Variants in PAK1 observed in about 807,000 individuals in gnomAD.
The protein encoded by PAK1 is serine/threonine-protein kinase PAK 1.
A neutral mutation model predicts 67.4 loss-of-function variants in PAK1; 29 were observed. The observed-to-expected ratio is 0.43, with a 90% CI of 0.32 to 0.59. The LOEUF is 0.59. Among genes scored for constraint, PAK1 ranks in the 20% least tolerant of loss-of-function variants. PAK1 has a pLI of 0.07. For synonymous variants in PAK1, 223 were observed against 237.4 expected, an observed-to-expected ratio of 0.94 and a Z score of 0.56; for missense variants, 337 against 670.7, an observed-to-expected ratio of 0.50 and a Z score of 5.50.
chr11:77,484,455 C>T, the PAK1 span, among the ~76,000 whole-genome samples: 4 of 152,138 alleles, frequency 2.6e-5, no homozygotes, highest in African/African-American at 7.2e-5. Flanking sequence ...TTTTAGTGTA[C>T]CCTCTACTAC....
At chr11:77,475,292 CT>C (rs1353993074), upstream of PAK1, 1 of 152,192 alleles carries the variant, frequency 6.6e-6, no homozygotes, top group Admixed American at 6.5e-5. Context: ...TTTTCAAGTC[CT>C]TGCCTGTGTC....
intron 8 of PAK1, among the ~76,000 whole-genome samples, chr11:77,350,787 C>A (rs1022322015): frequency 2.0e-5 from 3 of 152,112 alleles, no homozygotes; most frequent in Non-Finnish European, 4.4e-5. Flanking sequence ...CTATAACATA[C>A]TGGCTATAAA....
At chr11:77,470,255 T>A (rs1957788000) in intron 1 of PAK1, among the ~76,000 whole-genome samples, 1 of 152,218 alleles carries the variant, frequency 6.6e-6, no homozygotes, top group East Asian at 1.9e-4. Flanking sequence ...TTTTTAAAAG[T>A]CTGCCTGTCA....
chr11:77,467,044 T>C lies in PAK1; in HGVS notation c.-22+6508A>G, dbSNP rs11822299. Among the ~76,000 whole-genome samples, 600 of 152,300 alleles carry C rather than the reference T, an allele frequency of 3.9e-3. 4 individuals are homozygous for C. The highest frequency in any genetic ancestry group is 0.014 in the African/African-American group (568 of 41,572). On this transcript the variant is annotated intron_variant, in intron 1 of 14. Coordinates refer to ENST00000356341, the MANE Select transcript of PAK1 (RefSeq NM_002576.5). Reference sequence around the variant, plus strand: ...TCTCTGCTCTCACGCCTCCCCACTTTACACCCTATCTTCTAAGCATACTAA... The same window carrying C: ...TCTCTGCTCTCACGCCTCCCCACTTCACACCCTATCTTCTAAGCATACTAA...
intron 1 of PAK1, among the ~76,000 whole-genome samples, chr11:77,416,949 T>C (rs1049780008): frequency 6.7e-6 from 1 of 149,726 alleles, no homozygotes; most frequent in African/African-American, 2.5e-5. Flanking sequence ...CAAGACTCTG[T>C]CTCAAAAAAA....
At chr11:77,324,611 C>G (rs1939256191) in intron 14 of PAK1, among the ~76,000 whole-genome samples, 1 of 152,072 alleles carries the variant, frequency 6.6e-6, no homozygotes, top group South Asian at 2.1e-4. Flanking sequence ...GGAGCTATCA[C>G]ATTTCCTTTT....
chr11:77,326,168 T>C (rs1310060251), intron 14 of PAK1, among the ~76,000 whole-genome samples: 2 of 152,202 alleles, frequency 1.3e-5, no homozygotes, highest in African/African-American at 4.8e-5. Context: ...GAAACATATA[T>C]GTTAAATACA....
intron 1 of PAK1, among the ~76,000 whole-genome samples, chr11:77,401,573 T>C (rs1010221923): frequency 2.6e-5 from 4 of 152,216 alleles, no homozygotes; most frequent in African/African-American, 9.7e-5. Flanking sequence ...CCTATCTTTT[T>C]AGTTTCATCT....
At chr11:77,355,930 A>G in intron 6 of PAK1, 88 bp from the exon 7 acceptor site, 1 of 772,944 alleles carries the variant, frequency 1.3e-6, no homozygotes, top group Non-Finnish European at 2.2e-6. Flanking sequence ...ACATCCACAG[A>G]GCAAACCCCA....
chr11:77,378,241 G>A (rs1949356723), intron 4 of PAK1, among the ~76,000 whole-genome samples: 5 of 152,158 alleles, frequency 3.3e-5, no homozygotes, highest in Non-Finnish European at 7.3e-5. Flanking sequence ...AAGCTGGTCC[G>A]CTGTGGAAGG....
At chr11:77,500,193 G>A in the PAK1 span, among the ~76,000 whole-genome samples, 1 of 152,184 alleles carries the variant, frequency 6.6e-6, no homozygotes, top group Admixed American at 6.5e-5. Flanking sequence ...TATAAACCGG[G>A]TGCGGTGGCT....
chr11:77,395,458 A>G (rs1951709007), intron 1 of PAK1, among the ~76,000 whole-genome samples: 1 of 152,148 alleles, frequency 6.6e-6, no homozygotes, highest in African/African-American at 2.4e-5. Context: ...GTACAGATAA[A>G]ATTCAAGGTC....
chr11:77,379,881 A>T lies in PAK1; in HGVS notation c.291+13T>A, dbSNP rs1328071987. 2 of 1,584,282 alleles carry T rather than the reference A, an allele frequency of 1.3e-6. No homozygotes were observed. Among genetic ancestry groups the T allele is most frequent in the Non-Finnish European group, 1.7e-6 (2 of 1,153,336 alleles). On this transcript the variant is annotated intron_variant, in intron 3 of 14. Transcript: ENST00000356341. The stretch of plus-strand genomic sequence containing the variant: ...CTAAAAGACTAAAGACCTTTCTGTG[A>T]CCCAGGACTTACCGTAAACTCCCCT...
chr11:77,453,222 C>T (rs11237191), intron 1 of PAK1, among the ~76,000 whole-genome samples: 6,359 of 152,106 alleles, frequency 0.042, 462 homozygotes, highest in African/African-American at 0.14. Flanking sequence ...AGGTGTATGG[C>T]GCACGCCTAT....
intron 1 of PAK1, among the ~76,000 whole-genome samples, chr11:77,418,995 A>C (rs752963124): frequency 6.6e-5 from 10 of 152,224 alleles, no homozygotes; most frequent in Non-Finnish European, 1.5e-4. Context: ...AAATTCAGAC[A>C]TCTTCTATTT....
chr11:77,325,607 C>T (rs967114035), intron 14 of PAK1, among the ~76,000 whole-genome samples: 9 of 152,108 alleles, frequency 5.9e-5, no homozygotes, highest in Non-Finnish European at 5.9e-5. Flanking sequence ...CTTTACTAAT[C>T]GCAGGCTTAG....
intron 1 of PAK1, among the ~76,000 whole-genome samples, chr11:77,449,318 T>G (rs756006360): frequency 3.9e-5 from 6 of 152,110 alleles, no homozygotes; most frequent in Non-Finnish European, 8.8e-5. Flanking sequence ...TAAAGGAAAC[T>G]AGGCAGTGCG....
chr11:77,337,281 C>G (rs186177227), intron 12 of PAK1, 43 bp downstream of exon 12: 1 of 1,006,186 alleles, frequency 9.9e-7, no homozygotes, highest in Non-Finnish European at 1.6e-6. Context: ...AGACAGGGCC[C>G]CACAGGCAGA....
the PAK1 span, among the ~76,000 whole-genome samples, chr11:77,515,903 AT>A: frequency 1.3e-5 from 2 of 152,094 alleles, no homozygotes; most frequent in African/African-American, 2.4e-5. Flanking sequence ...AGTTGACTTC[AT>A]TTCTCGGTTG....
Sources: allele counts gnomAD v4.1 joint callset (sites outside exome capture counted in the v4.1 genomes callset), GRCh38; gene constraint gnomAD v4.1.1; transcripts MANE v1.5; gene names NCBI Gene and HGNC (gene_info 2026-07-23, HGNC 2026-07-21).